ATP2A3: variants seen among roughly 807,000 people sequenced by gnomAD.
ATP2A3 encodes the protein ATPase sarcoplasmic/endoplasmic reticulum Ca2+ transporting 3.
A neutral mutation model predicts 106.8 loss-of-function variants in ATP2A3; 61 were observed. That is an observed-to-expected ratio of 0.57 (90% confidence interval 0.46 to 0.71). ATP2A3 has a LOEUF of 0.71. Ranked by LOEUF, ATP2A3 falls within the 30% of genes least tolerant of loss-of-function variation. The probability of loss-of-function intolerance (pLI) is 0.00; values close to 1 mark genes in which losing one functional copy is unlikely to be tolerated. For missense variants in ATP2A3, 1,201 were observed against 1,423.5 expected (o/e 0.84, Z 2.52); for synonymous variants, 611 against 609.3 (o/e 1.00, Z -0.04).
chr17:3,951,546 G>GGCCCCC (rs2054436038), intron 4 of ATP2A3, 35 bp downstream of exon 4: 49 of 1,321,054 alleles, frequency 3.7e-5, no homozygotes, highest in Admixed American at 8.1e-5. Context: ...CTGGGAGACC[G>GGCCCCC]CCCCCCGCCC....
chr17:3,958,853 T>TACACACACAC (rs1567726906), intron 1 of ATP2A3, among the ~76,000 whole-genome samples: 1 of 81,860 alleles, frequency 1.2e-5, no homozygotes, highest in African/African-American at 7.6e-5. Flanking sequence ...TATATAAATA[T>TACACACACAC]ATATATATAT....
intron 3 of ATP2A3, among the ~76,000 whole-genome samples, chr17:3,952,041 G>A (rs1232020013): frequency 1.3e-5 from 2 of 152,154 alleles, no homozygotes. Flanking sequence ...CAGACCTCCT[G>A]AGTCGTAAAT....
At chr17:3,942,530 G>T in intron 12 of ATP2A3, 76 bp downstream of exon 12, 1 of 1,571,584 alleles carries the variant, frequency 6.4e-7, no homozygotes, top group East Asian at 2.3e-5. Flanking sequence ...CGGGAGGACT[G>T]GGGCTCACAG....
Position 3,926,278 on chromosome 17 carries a change from C to A in ATP2A3, c.2981-837G>T, listed in dbSNP as rs185226397. On this transcript the variant is annotated intron_variant, in intron 20 of 20. Coordinates refer to ENST00000397041, the MANE Select transcript of ATP2A3 (RefSeq NM_005173.4). This position sits in a 1 kb window ranked among gnomAD's most constrained non-coding sequence, Gnocchi z 4.6. Reference sequence around the variant, plus strand: ...GCGCAAAGGGTCCCTCTCTCACCCCCGCCCCGTCTGGCTTTAGGAGGCCCC... The same window carrying A: ...GCGCAAAGGGTCCCTCTCTCACCCCAGCCCCGTCTGGCTTTAGGAGGCCCC... 6.6e-6 allele frequency among the ~76,000 whole-genome samples: 1 copy of A among 152,200 alleles called. No homozygotes were observed. Among genetic ancestry groups the A allele is most frequent in the Non-Finnish European group, 1.5e-5 (1 of 68,032 alleles).
intron 1 of ATP2A3, among the ~76,000 whole-genome samples, chr17:3,954,099 T>C (rs1442486709): frequency 6.6e-6 from 1 of 152,044 alleles, no homozygotes; most frequent in Non-Finnish European, 1.5e-5. Context: ...CACGGCTCCC[T>C]GCATAGCCCT....
chr17:3,927,864 C>A, intron 20 of ATP2A3: 3 of 1,559,398 alleles, frequency 1.9e-6, no homozygotes, highest in Non-Finnish European at 2.6e-6. Context: ...TGGCCCCCAA[C>A]GACCCAGCTG....
At chr17:3,943,789 T>C (rs953734040) in intron 10 of ATP2A3, among the ~76,000 whole-genome samples, 8 of 152,116 alleles carry the variant, frequency 5.3e-5, no homozygotes, top group African/African-American at 1.9e-4. Context: ...TCAGCCTCCT[T>C]CACCGGTTTC....
rs748606666 is a variant in ATP2A3, at chr17:3,941,043, G to A, written c.2028C>T (p.Phe676=). The stretch of plus-strand genomic sequence containing the variant: ...ACTTGTGTGCGGGCTCCACGCGGGC[G>A]AAGCAGCGGGCGGTGCGGCAGGCCT... The part of the protein sequence containing the change: ...QRQACRTARC[F]ARVEPAHKSR... Residue 676 remains phenylalanine, a synonymous_variant, in exon 14 of 21, where the codon TTC becomes TTT. Transcript: ENST00000397041. The A allele has an allele frequency of 3.7e-6, 6 of 1,613,786 alleles. No homozygotes were observed. The highest frequency in any genetic ancestry group is 2.2e-5 in the East Asian group (1 of 44,860).
chr17:3,954,361 C>A (rs189306752), intron 1 of ATP2A3, among the ~76,000 whole-genome samples: 2 of 151,874 alleles, frequency 1.3e-5, no homozygotes, highest in Admixed American at 1.3e-4. Flanking sequence ...TGGTGCAGTC[C>A]CCCCCAGGCC....
chr17:3,952,845 G>T (rs1447657030), intron 3 of ATP2A3, among the ~76,000 whole-genome samples: 1 of 152,160 alleles, frequency 6.6e-6, no homozygotes, highest in East Asian at 1.9e-4. Flanking sequence ...TATTGCCTTG[G>T]CCTCCCACAG....
At chr17:3,940,043 G>GTTTTTTTTTTTTTTTTT (rs1294599615) in intron 14 of ATP2A3, among the ~76,000 whole-genome samples, 1 of 87,618 alleles carries the variant, frequency 1.1e-5, no homozygotes, top group Non-Finnish European at 2.1e-5. Context: ...TTTTTTTTTT[G>GTTTTTTTTTTTTTTTTT]TTTTTTGTTT....
intron 8 of ATP2A3, among the ~76,000 whole-genome samples, chr17:3,946,423 T>A (rs528214468): frequency 9.2e-5 from 14 of 152,100 alleles, no homozygotes; most frequent in African/African-American, 2.7e-4. Flanking sequence ...TGGTGGTGCA[T>A]GCCTGTCTGT....
At position 3,957,348 on chromosome 17, in the gene ATP2A3, G is replaced by A. The variant is rs1287912034; in HGVS notation, c.119-3638C>T. 2.6e-5 allele frequency among the ~76,000 whole-genome samples: 4 copies of A among 152,168 alleles called. No homozygotes were observed. The East Asian group carries it at 5.8e-4, about 22-fold the overall frequency. On this transcript the variant is annotated intron_variant, in intron 1 of 20. Transcript: ENST00000397041. Reference sequence around the variant, plus strand: ...TCTCGACCCCCTGCTGTGGGCCTCCGATGCTAACTCTTAGGCTGTCCTGCC... The same window carrying A: ...TCTCGACCCCCTGCTGTGGGCCTCCAATGCTAACTCTTAGGCTGTCCTGCC...
In ATP2A3 at chr17:3,945,168, G is replaced by A; in HGVS notation, c.1096-20C>T. 1 of 1,542,008 alleles carries A rather than the reference G, an allele frequency of 6.5e-7. No individual in the cohort carries two copies. The highest frequency in any genetic ancestry group is 8.8e-7 in the Non-Finnish European group (1 of 1,141,696). On this transcript the variant is annotated intron_variant, in intron 8 of 20. Transcript: ENST00000397041. The stretch of plus-strand genomic sequence containing the variant: ...GAACATCTGGGGAGCGCAGGGGCGT[G>A]CTTAGGCGGGCGGGGTCGCCTCCCT...
Position 3,925,396 on chromosome 17 carries a change from C to G in ATP2A3, c.*26G>C. 2.5e-6 allele frequency: 4 copies of G among 1,613,886 alleles called. No individual in the cohort carries two copies. Among genetic ancestry groups the G allele is most frequent in the Non-Finnish European group, 3.4e-6 (4 of 1,179,932 alleles). ...GGCACCATCAGTCTGAGGTACACAC[C>G]GGAGACTCCACTCTGTTCCCAGCGC... is the stretch of plus-strand genomic sequence containing the variant. On this transcript the variant is annotated 3_prime_UTR_variant, in exon 21 of 21. Transcript: ENST00000397041. The surrounding 1 kb of genome is among the most constrained non-coding windows in gnomAD (Gnocchi z 4.2).
rs1459990528 is a variant in ATP2A3 at position 3,955,396 on chromosome 17, T to C, written c.119-1686A>G. Among the ~76,000 whole-genome samples, 2 of 152,212 alleles carry C rather than the reference T, an allele frequency of 1.3e-5. No individual in the cohort carries two copies. The highest frequency in any genetic ancestry group is 2.1e-4 in the South Asian group (1 of 4,836). ...ACTGTAGGAATCCAGGAGGGAAATA[T>C]ATAGCCTAAAAATACACTTTCTAGC... On this transcript the variant is annotated intron_variant, in intron 1 of 20. Transcript: ENST00000397041. This position sits in a 1 kb window ranked among gnomAD's most constrained non-coding sequence, Gnocchi z 4.2.
At chr17:3,952,070 C>T (rs2054479436) in intron 3 of ATP2A3, among the ~76,000 whole-genome samples, 1 of 152,172 alleles carries the variant, frequency 6.6e-6, no homozygotes, top group Admixed American at 6.5e-5. Flanking sequence ...GGGGCCCAGT[C>T]ACCTGTGTGT....
In ATP2A3 at chr17:3,926,551, G is replaced by A. The variant is rs1298923567; in HGVS notation, c.2981-1110C>T. ...TTCAATGCCGCTCGCCCACCTCCTGGTGTTAGTCTCACCCTCTCTTTTTGG... is the reference window on the plus strand; with the variant it reads ...TTCAATGCCGCTCGCCCACCTCCTGATGTTAGTCTCACCCTCTCTTTTTGG... On this transcript the variant is annotated intron_variant, in intron 20 of 20. Transcript: ENST00000397041. The surrounding 1 kb of genome is among the most constrained non-coding windows in gnomAD (Gnocchi z 4.6). 1.3e-5 allele frequency among the ~76,000 whole-genome samples: 2 copies of A among 152,112 alleles called. No homozygotes were observed. Among genetic ancestry groups the A allele is most frequent in the Admixed American group, 6.5e-5 (1 of 15,278 alleles).
Position 3,924,825 on chromosome 17 carries a change from C to T in ATP2A3, c.*597G>A, listed in dbSNP as rs979841190. The T allele has an allele frequency of 6.6e-6, 3 of 456,734 alleles. No homozygotes were observed. The highest frequency in any genetic ancestry group is 2.3e-5 in the Admixed American group (1 of 42,578). 28.3% of individuals were successfully genotyped at this position (456,734 alleles called of 1,614,324 possible). Reference sequence around the variant, plus strand: ...CCCTGCACATATAAACAGAAGCAGCCTCGAGCTCTCGGGAGCCGACTTTGT... The same window carrying T: ...CCCTGCACATATAAACAGAAGCAGCTTCGAGCTCTCGGGAGCCGACTTTGT... On this transcript the variant is annotated 3_prime_UTR_variant, in exon 21 of 21. Coordinates refer to ENST00000397041, the MANE Select transcript of ATP2A3 (RefSeq NM_005173.4). This position sits in a 1 kb window ranked among gnomAD's most constrained non-coding sequence, Gnocchi z 6.4.
Sources: allele counts gnomAD v4.1 joint callset (sites outside exome capture counted in the v4.1 genomes callset), GRCh38; gene constraint gnomAD v4.1.1; non-coding constraint Gnocchi (gnomAD v3.1); transcripts MANE v1.5; gene names NCBI Gene and HGNC (gene_info 2026-07-23, HGNC 2026-07-21).